PTCHD1: variants seen among roughly 807,000 people sequenced by gnomAD.
The protein encoded by PTCHD1 is patched domain containing 1.
PTCHD1 carries 3 observed loss-of-function variants against 34.6 expected under a neutral mutation model. The ratio of observed to expected loss-of-function variants is 0.09; its 90% confidence interval spans 0.04 to 0.22. The LOEUF (loss-of-function observed/expected upper bound fraction) is 0.22. Ranked by LOEUF, PTCHD1 falls within the 10% of genes least tolerant of loss-of-function variation. The probability of loss-of-function intolerance (pLI) is 1.00; values close to 1 mark genes in which losing one functional copy is unlikely to be tolerated. For synonymous variants in PTCHD1, 305 were observed against 283.1 expected (o/e 1.08, Z -0.77); for missense variants, 504 against 685.5 (o/e 0.74, Z 2.96).
rs1793216055 is a variant in PTCHD1, at chrX:23,395,088, C to T, written c.*903C>T. ...AATACCTGGCATGATGGAGCAAAAGCAGGTGTCTACTTGGACCCAGATATA... is the reference window on the plus strand; with the variant it reads ...AATACCTGGCATGATGGAGCAAAAGTAGGTGTCTACTTGGACCCAGATATA... On this transcript the variant is annotated 3_prime_UTR_variant, in exon 3 of 3. Coordinates refer to ENST00000379361, the MANE Select transcript of PTCHD1 (RefSeq NM_173495.3). 1 of 111,909 alleles carries T rather than the reference C, an allele frequency of 8.9e-6. No individual in the cohort carries two copies. The highest frequency in any genetic ancestry group is 3.3e-5 in the African/African-American group (1 of 30,719). 9.2% of individuals were successfully genotyped at this position (111,909 alleles called of 1,213,427 possible). A position where few individuals can be genotyped will look rare whatever the true frequency, so the allele number is the denominator to read the frequency against.
chrX:23,356,374 T>C (rs1350197997), intron 1 of PTCHD1, among the ~76,000 whole-genome samples: 2 of 112,237 alleles, frequency 1.8e-5, no homozygotes, highest in Non-Finnish European at 3.8e-5. Flanking sequence ...GGATCTAAAA[T>C]GCGTGTCTAG....
chrX:23,335,001 C>T lies in PTCHD1; in HGVS notation c.126C>T (p.Ser42=), dbSNP rs1921125716. 1.7e-6 allele frequency: 2 copies of T among 1,208,909 alleles called. No individual in the cohort carries two copies. The highest frequency in any genetic ancestry group is 2.2e-5 in the Admixed American group (1 of 45,891). The change falls in exon 1 of 3, where the codon AGC becomes AGT. Residue 42 remains serine (S), a synonymous_variant. Transcript: ENST00000379361. ...TCATCTCCATCCTGCTCGGCGCCAG[C>T]TTCAGCCGCTACCAGGTCGAGGAGA... ...PVLISILLGA[S]FSRYQVEESV...
chrX:23,359,147 A>G (rs950921519), intron 1 of PTCHD1, among the ~76,000 whole-genome samples: 6 of 112,324 alleles, frequency 5.3e-5, no homozygotes, highest in Non-Finnish European at 1.1e-4. Context: ...TTTTGGTTCC[A>G]TATGAACTTT....
intron 2 of PTCHD1, among the ~76,000 whole-genome samples, chrX:23,391,293 G>A (rs766631549): frequency 1.1e-4 from 12 of 111,536 alleles, no homozygotes; most frequent in South Asian, 3.8e-4. Flanking sequence ...CAAATAGCGC[G>A]GAGAAGCTAG....
rs1332154854 is a variant in PTCHD1, at chrX:23,403,467, G to C, written c.*9282G>C. The C allele has an allele frequency of 8.9e-6, 1 of 111,974 alleles. No individual in the cohort carries two copies. The highest frequency in any genetic ancestry group is 3.2e-5 in the African/African-American group (1 of 30,820). 9.2% of individuals were successfully genotyped at this position (111,974 alleles called of 1,213,427 possible). ...TGTGAGTCACATCACTTTTCTCCAG[G>C]AAAGGCAGAACGTGCTCAGGGTGGA... On this transcript the variant is annotated 3_prime_UTR_variant, in exon 3 of 3. Transcript: ENST00000379361.
At chrX:23,376,094 A>G (rs995301763) in intron 1 of PTCHD1, among the ~76,000 whole-genome samples, 127 of 111,701 alleles carry the variant, frequency 1.1e-3, no homozygotes, top group African/African-American at 4.0e-3. Flanking sequence ...ATCTCATGAG[A>G]TTTTTTCCAC....
At chrX:23,364,279 A>G (rs1326166670) in intron 1 of PTCHD1, among the ~76,000 whole-genome samples, 2 of 109,795 alleles carry the variant, frequency 1.8e-5, no homozygotes, top group African/African-American at 6.7e-5. Context: ...AGCAATGTTT[A>G]TGTGTATCTA....
chrX:23,387,309 C>T (rs1473179940), intron 2 of PTCHD1, among the ~76,000 whole-genome samples: 1 of 111,436 alleles, frequency 9.0e-6, no homozygotes, highest in Non-Finnish European at 1.9e-5. Flanking sequence ...TTTGGTCAGG[C>T]CCCAGAAAGT....
intron 1 of PTCHD1, among the ~76,000 whole-genome samples, chrX:23,372,567 G>T (rs1365294273): frequency 9.0e-6 from 1 of 111,371 alleles, no homozygotes; most frequent in East Asian, 2.8e-4. Flanking sequence ...TCCCATTCAG[G>T]TCCATGGTTG....
chrX:23,383,628 G>A (rs1056367017), intron 2 of PTCHD1, among the ~76,000 whole-genome samples: 7 of 111,392 alleles, frequency 6.3e-5, no homozygotes, highest in Non-Finnish European at 1.3e-4. Context: ...TGTAAGCATA[G>A]ATACATCATG....
chrX:23,338,788 T>C (rs1005806513), intron 1 of PTCHD1, among the ~76,000 whole-genome samples: 2 of 111,721 alleles, frequency 1.8e-5, no homozygotes, highest in African/African-American at 6.5e-5. Flanking sequence ...AATGTACATT[T>C]TTGTTATCCA....
intron 2 of PTCHD1, among the ~76,000 whole-genome samples, chrX:23,388,874 T>C (rs539561408): frequency 1.4e-3 from 146 of 107,354 alleles, no homozygotes; most frequent in Non-Finnish European, 2.2e-3. Flanking sequence ...CTAAAGGAGG[T>C]AGCCATCCAC....
At position 23,393,832 on chromosome X, in the gene PTCHD1, T is replaced by G. The variant is rs769881695; in HGVS notation, c.2314T>G (p.Leu772Val). The G allele has an allele frequency of 1.7e-6, 2 of 1,209,508 alleles. No individual in the cohort carries two copies. Among genetic ancestry groups the G allele is most frequent in the African/African-American group, 3.5e-5 (2 of 57,226 alleles). ...NYTIDNCAPM[L>V]STFVLGKDFT... ...CACAATTGACAATTGTGCTCCAATG[T>G]TATCCACATTTGTTCTGGGCAAGGA... Residue 772 changes from leucine to valine, a missense_variant, in exon 3 of 3, where the codon TTA (leucine) becomes GTA (valine). By Grantham distance (32) the Leu-to-Val change is conservative. Coordinates refer to ENST00000379361, the MANE Select transcript of PTCHD1 (RefSeq NM_173495.3).
chrX:23,369,347 T>A (rs895124392), intron 1 of PTCHD1, among the ~76,000 whole-genome samples: 2 of 111,904 alleles, frequency 1.8e-5, no homozygotes, highest in African/African-American at 3.3e-5. Context: ...TGCTGTGAGT[T>A]GACCACGTTT....
intron 2 of PTCHD1, among the ~76,000 whole-genome samples, chrX:23,389,534 T>G (rs1258651797): frequency 8.9e-6 from 1 of 111,959 alleles, no homozygotes; most frequent in Non-Finnish European, 1.9e-5. Flanking sequence ...GGGATTCGGG[T>G]GTAGCAATCT....
At chrX:23,351,412 C>G (rs1289566476) in intron 1 of PTCHD1, 7 of 586,490 alleles carry the variant, frequency 1.2e-5, no homozygotes, top group Non-Finnish European at 1.8e-5. Context: ...CGAAAACTTT[C>G]AAAGATGACT....
At position 23,394,272 on chromosome X, in the gene PTCHD1, C is replaced by T; in HGVS notation, c.*87C>T. 1 of 594,233 alleles carries T rather than the reference C, an allele frequency of 1.7e-6. No individual in the cohort carries two copies. Among genetic ancestry groups the T allele is most frequent in the South Asian group, 3.4e-5 (1 of 29,217 alleles). The allele number at this position is 594,233 out of a possible 1,213,427, so 49.0% of individuals were successfully genotyped here. On this transcript the variant is annotated 3_prime_UTR_variant, in exon 3 of 3. Coordinates refer to ENST00000379361, the MANE Select transcript of PTCHD1 (RefSeq NM_173495.3). ...GAAACAATTAAATTCAAAGTTCTTC[C>T]CTTTTTTAAAGATAGGAAACAGGCA...
At position 23,394,036 on chromosome X, in the gene PTCHD1, G is replaced by A; in HGVS notation, c.2518G>A (p.Ala840Thr). The A allele has an allele frequency of 8.3e-7, 1 of 1,210,092 alleles. No homozygotes were observed. Among genetic ancestry groups the A allele is most frequent in the South Asian group, 1.8e-5 (1 of 56,909 alleles). ...IAFVTFFHCF[A>T]ILPVILTFLP... Reference sequence around the variant, plus strand: ...ATTTGTCACCTTCTTTCACTGCTTTGCCATTTTACCTGTGATACTGACTTT... The same window carrying A: ...ATTTGTCACCTTCTTTCACTGCTTTACCATTTTACCTGTGATACTGACTTT... The change falls in exon 3 of 3, where the codon GCC becomes ACC. Residue 840 changes from alanine (A) to threonine (T), a missense_variant. Physicochemically the swap from Ala to Thr is moderately conservative, Grantham distance 58. Transcript: ENST00000379361.
chrX:23,389,713 G>A (rs927078301), intron 2 of PTCHD1, among the ~76,000 whole-genome samples: 2 of 111,796 alleles, frequency 1.8e-5, no homozygotes, highest in Non-Finnish European at 3.8e-5. Context: ...GTACACACCT[G>A]TAGCAAGAAG....
Sources: allele counts gnomAD v4.1 joint callset (sites outside exome capture counted in the v4.1 genomes callset), GRCh38; gene constraint gnomAD v4.1.1; transcripts MANE v1.5; gene names NCBI Gene and HGNC (gene_info 2026-07-23, HGNC 2026-07-21).